The following AXDND1 variants were observed in gnomAD, a reference collection of about 807,000 sequenced individuals.
AXDND1 encodes the protein axonemal dynein light chain domain-containing protein 1.
A neutral mutation model predicts 137.5 loss-of-function variants in AXDND1; 110 were observed. The observed-to-expected ratio is 0.80, with a 90% CI of 0.69 to 0.94. The LOEUF is 0.94. Ranked by LOEUF, AXDND1 falls within the 40% of genes least tolerant of loss-of-function variation. The pLI, the probability that AXDND1 is intolerant of heterozygous loss-of-function variation, is 0.00. For missense variants in AXDND1, 1,191 were observed against 1,169.8 expected (o/e 1.02, Z -0.26); for synonymous variants, 414 against 399.7 (o/e 1.04, Z -0.43).
intron 12 of AXDND1, among the ~76,000 whole-genome samples, 183 bp downstream of exon 12, chr1:179,411,449 A>G (rs1199867722): frequency 6.6e-6 from 1 of 152,130 alleles, no homozygotes; most frequent in South Asian, 2.1e-4. Context: ...GGTTCAAGCA[A>G]TTCTCCCACC....
chr1:179,529,851 A>G (rs1201997380), intron 23 of AXDND1, among the ~76,000 whole-genome samples: 2 of 152,146 alleles, frequency 1.3e-5, no homozygotes, highest in African/African-American at 4.8e-5. Context: ...AATATGTCAA[A>G]TAAATATATT....
At chr1:179,418,737 G>A (rs1017644339) in intron 12 of AXDND1, among the ~76,000 whole-genome samples, 2 of 151,240 alleles carry the variant, frequency 1.3e-5, no homozygotes, top group Admixed American at 6.6e-5. Flanking sequence ...CCTCCCTCCC[G>A]GACGGGGTGG....
intron 2 of AXDND1, among the ~76,000 whole-genome samples, chr1:179,366,854 T>C (rs1191776893): frequency 6.6e-6 from 1 of 152,220 alleles, no homozygotes; most frequent in Non-Finnish European, 1.5e-5. Flanking sequence ...GATTTTAAAT[T>C]CAACCTATTT....
intron 17 of AXDND1, among the ~76,000 whole-genome samples, chr1:179,479,256 C>G (rs909466258): frequency 6.6e-6 from 1 of 151,976 alleles, no homozygotes; most frequent in East Asian, 1.9e-4. Flanking sequence ...GCGGGTGGAT[C>G]ACTTGAAGTC....
intron 17 of AXDND1, among the ~76,000 whole-genome samples, chr1:179,476,742 G>A (rs1664685758): frequency 1.3e-5 from 2 of 152,074 alleles, no homozygotes; most frequent in South Asian, 4.1e-4. Flanking sequence ...GGACTCCCTT[G>A]TAAGTGATGT....
chr1:179,476,341 A>C (rs1664621329), intron 17 of AXDND1, among the ~76,000 whole-genome samples: 1 of 152,204 alleles, frequency 6.6e-6, no homozygotes, highest in African/African-American at 2.4e-5. Flanking sequence ...TGTAGGTCCA[A>C]CAATATGTCC....
At chr1:179,501,232 A>G (rs778023934) in intron 20 of AXDND1, among the ~76,000 whole-genome samples, 8 of 152,334 alleles carry the variant, frequency 5.3e-5, no homozygotes, top group Admixed American at 4.6e-4. Flanking sequence ...CACTTTTGAA[A>G]ATAAGGTGAG....
chr1:179,490,964 G>A (rs918550473), intron 18 of AXDND1, among the ~76,000 whole-genome samples: 3 of 152,148 alleles, frequency 2.0e-5, no homozygotes, highest in African/African-American at 7.2e-5. Flanking sequence ...GTGGAGCCCT[G>A]GAATGCCTTG....
In AXDND1 at chr1:179,393,349, A is replaced by C. The variant is rs528159621; in HGVS notation, c.864-554A>C. ...ATGTGCCTATTTTTATACCCGTACC[A>C]TGCTGTTTTGGTAACTATAGCCTTG... On this transcript the variant is annotated intron_variant, in intron 9 of 25. Coordinates refer to ENST00000367618, the MANE Select transcript of AXDND1 (RefSeq NM_144696.6). Among the ~76,000 whole-genome samples the C allele has an allele frequency of 3.3e-5, 5 of 152,308 alleles. No homozygotes were observed. In the East Asian group the frequency reaches 9.6e-4, roughly 29 times the overall value.
At chr1:179,374,839 G>A (rs113582014) in intron 4 of AXDND1, among the ~76,000 whole-genome samples, 1 of 138,404 alleles carries the variant, frequency 7.2e-6, no homozygotes, top group Non-Finnish European at 1.6e-5. Context: ...ATGGGGGGAG[G>A]GGGGAGGGAT....
At chr1:179,515,067 A>G (rs748774338) in intron 21 of AXDND1, among the ~76,000 whole-genome samples, 2 of 152,162 alleles carry the variant, frequency 1.3e-5, no homozygotes, top group Non-Finnish European at 2.9e-5. Context: ...CAATGTTACT[A>G]TTGAGATGTG....
At chr1:179,444,432 G>T (rs887694256) in intron 15 of AXDND1, among the ~76,000 whole-genome samples, 1 of 151,814 alleles carries the variant, frequency 6.6e-6, no homozygotes, top group East Asian at 1.9e-4. Context: ...TTGAAGGCTG[G>T]GTAATGTTCC....
At chr1:179,535,011 A>T (rs763003698) in intron 25 of AXDND1, 49 bp downstream of exon 25, 1 of 1,605,494 alleles carries the variant, frequency 6.2e-7, no homozygotes, top group South Asian at 1.1e-5. Flanking sequence ...TTTATGAAAG[A>T]AAATTTGACT....
At chr1:179,431,748 G>A (rs12120123) in intron 14 of AXDND1, among the ~76,000 whole-genome samples, 17,546 of 151,978 alleles carry the variant, frequency 0.12, 1,203 homozygotes, top group East Asian at 0.35. Flanking sequence ...CATTTCTATT[G>A]TTTGTTGATT....
chr1:179,392,743 A>T (rs916839504), intron 9 of AXDND1, among the ~76,000 whole-genome samples: 2 of 151,808 alleles, frequency 1.3e-5, no homozygotes, highest in Non-Finnish European at 2.9e-5. Flanking sequence ...GTATTTTTTC[A>T]TGTTTGTTGC....
intron 17 of AXDND1, among the ~76,000 whole-genome samples, chr1:179,481,682 T>C (rs961609708): frequency 6.6e-6 from 1 of 152,240 alleles, no homozygotes; most frequent in Admixed American, 6.5e-5. Flanking sequence ...CCATTCTAAC[T>C]GGTGTGAGGT....
intron 25 of AXDND1, among the ~76,000 whole-genome samples, chr1:179,540,385 A>G (rs2125725312): frequency 6.6e-6 from 1 of 151,882 alleles, no homozygotes; most frequent in South Asian, 2.1e-4. Flanking sequence ...TTTGGTGTGG[A>G]TGTCCTTTTT....
chr1:179,445,229 G>C, intron 16 of AXDND1, 25 bp downstream of exon 16: 2 of 1,351,786 alleles, frequency 1.5e-6, no homozygotes, highest in Non-Finnish European at 2.0e-6. Flanking sequence ...ATAATAATTA[G>C]ATTTCTTGGT....
chr1:179,526,349 A>T (rs1182489111), intron 22 of AXDND1, among the ~76,000 whole-genome samples: 1 of 152,196 alleles, frequency 6.6e-6, no homozygotes, highest in African/African-American at 2.4e-5. Context: ...TCTATGCAAC[A>T]CAACTTCAAG....
Sources: gnomAD v4.1 joint callset for allele counts (sites outside exome capture counted in the v4.1 genomes callset) on GRCh38, gnomAD v4.1.1 for gene constraint, MANE v1.5 for transcripts, NCBI Gene and HGNC (gene_info 2026-07-23, HGNC 2026-07-21) for gene names.